The following OLA1 variants were observed in gnomAD, a reference collection of about 807,000 sequenced individuals.
OLA1 encodes obg-like ATPase 1.
OLA1 carries 14 observed loss-of-function variants against 48.4 expected under a neutral mutation model. The ratio of observed to expected loss-of-function variants is 0.29; its 90% CI spans 0.19 to 0.45. OLA1 has a LOEUF of 0.45. Ranked by LOEUF, OLA1 falls within the 20% of genes least tolerant of loss-of-function variation. The probability of loss-of-function intolerance (pLI) is 1.00; values close to 1 mark genes in which losing one functional copy is unlikely to be tolerated. For missense variants in OLA1, 325 were observed against 467.1 expected (o/e 0.70, Z 2.80); for synonymous variants, 127 against 150.4 (o/e 0.84, Z 1.14).
rs1225275902 is a variant in OLA1 at position 174,092,709 on chromosome 2, A to G, written c.729-10645T>C. Among the ~76,000 whole-genome samples the G allele has an allele frequency of 2.0e-5, 3 of 152,092 alleles. No individual in the cohort carries two copies. The East Asian group carries it at 5.8e-4, about 29-fold the overall frequency. On this transcript the variant is annotated intron_variant, in intron 7 of 10. Transcript: ENST00000284719. ...TGTATTATTCTTACATACCTTATCT[A>G]CTTGTCTTCTACCAGAGTCAACCTT...
At chr2:174,096,520 A>G (rs567957678) in intron 7 of OLA1, among the ~76,000 whole-genome samples, 48 of 152,226 alleles carry the variant, frequency 3.2e-4, no homozygotes, top group Non-Finnish European at 4.6e-4. Flanking sequence ...TGATCATATG[A>G]CGTCTGACCT....
In OLA1 at chr2:174,081,237, T is replaced by C; in HGVS notation, c.881A>G (p.Lys294Arg). The change falls in exon 9 of 11, where the codon AAG (lysine) becomes AGG (arginine). Residue 294 changes from lysine (K) to arginine (R), a missense_variant. Coordinates refer to ENST00000284719, the MANE Select transcript of OLA1 (RefSeq NM_013341.5). ...TGCTGCAAACCCAGCCTTAATGATC[T>C]TTGGCAAAGCACTGAAATCAAATGA... ...EANMTQSALP[K>R]IIKAGFAALQ... 6.2e-7 allele frequency: 1 copy of C among 1,610,602 alleles called. No homozygotes were observed. The highest frequency in any genetic ancestry group is 8.5e-7 in the Non-Finnish European group (1 of 1,178,712).
At position 174,114,394 on chromosome 2, in the gene OLA1, T is replaced by C. The variant is rs966192721; in HGVS notation, c.728+8786A>G. Among the ~76,000 whole-genome samples, 11 of 119,904 alleles carry C rather than the reference T, an allele frequency of 9.2e-5. No individual in the cohort carries two copies. The East Asian group carries it at 2.5e-3, about 27-fold the overall frequency. The allele number at this position is 119,904 out of a possible 152,430, so 78.7% of individuals were successfully genotyped here. ...AAAAAGCTAAATCAATTATATTAAA[T>C]GGAGGAAGCGGGGAAGCAGGACATA... is the stretch of plus-strand genomic sequence containing the variant. On this transcript the variant is annotated intron_variant, in intron 7 of 10. Coordinates refer to ENST00000284719, the MANE Select transcript of OLA1 (RefSeq NM_013341.5).
intron 4 of OLA1, among the ~76,000 whole-genome samples, chr2:174,194,536 A>G (rs547279507): frequency 6.6e-6 from 1 of 152,314 alleles, no homozygotes; most frequent in African/African-American, 2.4e-5. Context: ...GGCAAAAACT[A>G]GAGGGCCTCA....
At chr2:174,106,459 A>G (rs1685517128) in intron 7 of OLA1, among the ~76,000 whole-genome samples, 1 of 152,154 alleles carries the variant, frequency 6.6e-6, no homozygotes, top group Non-Finnish European at 1.5e-5. Flanking sequence ...CAAATAGATA[A>G]ATGAGTTTAC....
intron 5 of OLA1, among the ~76,000 whole-genome samples, chr2:174,129,238 C>G (rs1686120035): frequency 6.6e-6 from 1 of 152,100 alleles, no homozygotes; most frequent in Non-Finnish European, 1.5e-5. Context: ...GCAGGCGGAT[C>G]ACGAGGTCAG....
intron 2 of OLA1, among the ~76,000 whole-genome samples, chr2:174,231,114 A>C (rs1172136787): frequency 6.6e-6 from 1 of 152,218 alleles, no homozygotes; most frequent in Non-Finnish European, 1.5e-5. Flanking sequence ...AGAGAAAACT[A>C]CAAAAGCCTA....
chr2:174,117,676 C>G (rs1200060188), intron 7 of OLA1, among the ~76,000 whole-genome samples: 1 of 152,148 alleles, frequency 6.6e-6, no homozygotes, highest in East Asian at 1.9e-4. Flanking sequence ...TTCCTCCTAT[C>G]CCACACAAGC....
intron 10 of OLA1, among the ~76,000 whole-genome samples, chr2:174,077,141 G>A (rs1165854994): frequency 6.6e-6 from 1 of 151,956 alleles, no homozygotes; most frequent in African/African-American, 2.4e-5. Context: ...AACAAGACAC[G>A]TCTAACCAGT....
At chr2:174,137,356 A>T (rs1686333159) in intron 5 of OLA1, among the ~76,000 whole-genome samples, 1 of 147,012 alleles carries the variant, frequency 6.8e-6, no homozygotes. Context: ...TGTTCCACTT[A>T]TATAGCACAG....
intron 4 of OLA1, among the ~76,000 whole-genome samples, chr2:174,179,557 T>A (rs1284792726): frequency 6.6e-6 from 1 of 151,988 alleles, no homozygotes; most frequent in Non-Finnish European, 1.5e-5. Context: ...AGAAAAAGAC[T>A]CATGTGGGAT....
chr2:174,220,128 T>C (rs1688466573), intron 4 of OLA1, among the ~76,000 whole-genome samples: 1 of 152,160 alleles, frequency 6.6e-6, no homozygotes, highest in African/African-American at 2.4e-5. Context: ...CAAGACTCCA[T>C]CTCAAATAAA....
At chr2:174,101,013 A>G (rs1387244277) in intron 7 of OLA1, among the ~76,000 whole-genome samples, 1 of 152,228 alleles carries the variant, frequency 6.6e-6, no homozygotes, top group Non-Finnish European at 1.5e-5. Context: ...AGATATGAAC[A>G]TGTTTCTATT....
At chr2:174,094,582 T>C (rs1685201772) in intron 7 of OLA1, among the ~76,000 whole-genome samples, 1 of 152,210 alleles carries the variant, frequency 6.6e-6, no homozygotes, top group African/African-American at 2.4e-5. Context: ...AGACTAGACG[T>C]AAAGATCCGT....
intron 4 of OLA1, among the ~76,000 whole-genome samples, chr2:174,174,884 T>C (rs1437170218): frequency 6.6e-6 from 1 of 152,048 alleles, no homozygotes; most frequent in South Asian, 2.1e-4. Context: ...TCTAAAGCTA[T>C]AATAATCAAG....
At chr2:174,088,659 A>T (rs1309251411) in intron 7 of OLA1, among the ~76,000 whole-genome samples, 1 of 152,166 alleles carries the variant, frequency 6.6e-6, no homozygotes, top group Non-Finnish European at 1.5e-5. Flanking sequence ...AGAAAGAAGA[A>T]ATACCAAAAA....
chr2:174,147,444 A>G (rs1686635641), intron 4 of OLA1, among the ~76,000 whole-genome samples: 1 of 152,266 alleles, frequency 6.6e-6, no homozygotes, highest in Admixed American at 6.5e-5. Context: ...AAGAAAAAGA[A>G]AAAAAATCAA....
chr2:174,169,373 C>T (rs13418886), intron 4 of OLA1, among the ~76,000 whole-genome samples: 21,585 of 152,148 alleles, frequency 0.14, 2,639 homozygotes, highest in African/African-American at 0.33. Flanking sequence ...AAGTGCAATG[C>T]TAAGACATAC....
At chr2:174,224,587 C>A (rs1037736092) in intron 3 of OLA1, among the ~76,000 whole-genome samples, 1 of 151,662 alleles carries the variant, frequency 6.6e-6, no homozygotes, top group African/African-American at 2.4e-5. Flanking sequence ...TCAGCCTGGG[C>A]AACATGGTGA....
Sources: allele counts gnomAD v4.1 joint callset (sites outside exome capture counted in the v4.1 genomes callset), GRCh38; gene constraint gnomAD v4.1.1; transcripts MANE v1.5; gene names NCBI Gene and HGNC (gene_info 2026-07-23, HGNC 2026-07-21).